Variants in CDH19 observed in about 807,000 individuals in gnomAD.
CDH19 encodes cadherin 19, also known as cadherin-19.
CDH19 carries 67 observed loss-of-function variants against 64.2 expected under a neutral mutation model. The observed-to-expected ratio is 1.04, with a 90% CI of 0.86 to 1.28. CDH19 has a LOEUF of 1.28. CDH19 is among the 50% of genes most tolerant of loss of function. The pLI is 0.00. For synonymous variants in CDH19, 346 were observed against 319.3 expected (o/e 1.08, Z -0.89); for missense variants, 1,030 against 929.0 (o/e 1.11, Z -1.41).
intron 9 of CDH19, among the ~76,000 whole-genome samples, chr18:66,527,173 A>G (rs1039196379): frequency 1.3e-5 from 2 of 151,752 alleles, no homozygotes. Flanking sequence ...GTATACATAT[A>G]TATTAAGTTT....
chr18:66,547,833 A>C (rs1313136327), intron 5 of CDH19, among the ~76,000 whole-genome samples: 3 of 144,386 alleles, frequency 2.1e-5, no homozygotes, highest in African/African-American at 7.8e-5. Context: ...ACGCCCGGCT[A>C]ATTTTTTGTA....
At position 66,529,872 on chromosome 18, in the gene CDH19, A is replaced by G. The variant is rs577408152; in HGVS notation, c.1431T>C (p.Tyr477=). The change falls in exon 9 of 12, where the codon TAT becomes TAC. Residue 477 remains tyrosine, a synonymous_variant. Transcript: ENST00000262150. ...GACCAGAGCCTGCATTTTCACAAAC[A>G]TAAGTCTCATAGTATTGAGAGAACT... is the stretch of plus-strand genomic sequence containing the variant. ...APEFSQYYET[Y]VCENAGSGQV... 20 of 1,597,076 alleles carry G rather than the reference A, an allele frequency of 1.3e-5. No homozygotes were observed. The highest frequency in any genetic ancestry group is 1.0e-4 in the Admixed American group (6 of 58,594).
rs1422390869 is a variant in CDH19 at position 66,544,817 on chromosome 18, T to A, written c.862A>T (p.Asn288Tyr). ...IMAYDNDIGE[N>Y]AEMDYSIEED... The stretch of plus-strand genomic sequence containing the variant: ...TCAATGCTGTAATCCATTTCTGCAT[T>A]CTCTCCTATGTCATTATCATATGCC... The change falls in exon 6 of 12, where the codon AAT (asparagine) becomes TAT (tyrosine). Residue 288 changes from asparagine to tyrosine, a missense_variant. By Grantham distance (143) the Asn-to-Tyr change is moderately radical. Coordinates refer to ENST00000262150, the MANE Select transcript of CDH19 (RefSeq NM_021153.4). 6.2e-7 allele frequency: 1 copy of A among 1,612,598 alleles called. No homozygotes were observed. Among genetic ancestry groups the A allele is most frequent in the East Asian group, 2.2e-5 (1 of 44,848 alleles).
At chr18:66,568,761 A>C in intron 2 of CDH19, 51 bp from the exon 3 acceptor site, 1 of 1,395,620 alleles carries the variant, frequency 7.2e-7, no homozygotes. Context: ...GAAATGGACA[A>C]ATCAAAATCA....
At chr18:66,538,342 T>C (rs896550079) in intron 7 of CDH19, among the ~76,000 whole-genome samples, 29 of 152,140 alleles carry the variant, frequency 1.9e-4, no homozygotes, top group African/African-American at 7.0e-4. Flanking sequence ...TTCCAGAGTT[T>C]ACACTAATTA....
chr18:66,572,173 A>C lies in CDH19; in HGVS notation c.32T>G (p.Leu11Trp). 3 of 1,611,122 alleles carry C rather than the reference A, an allele frequency of 1.9e-6. No individual in the cohort carries two copies. Among genetic ancestry groups the C allele is most frequent in the Non-Finnish European group, 2.5e-6 (3 of 1,178,126 alleles). Residue 11 changes from leucine (L) to tryptophan (W), a missense_variant, in exon 2 of 12, where the codon TTG becomes TGG. By Grantham distance (61) the Leu-to-Trp change is moderately conservative (BLOSUM62 -2). Transcript: ENST00000262150. MNCYLLLRFM[L>W]GIPLLWPCLG... Reference sequence around the variant, plus strand: ...ACAAGGCCATAGGAGAGGAATTCCCAACATAAAACGCAGCAGTAAATAACA... The same window carrying C: ...ACAAGGCCATAGGAGAGGAATTCCCCACATAAAACGCAGCAGTAAATAACA...
chr18:66,529,456 G>A (rs1986349691), intron 9 of CDH19, among the ~76,000 whole-genome samples: 1 of 150,886 alleles, frequency 6.6e-6, no homozygotes, highest in Admixed American at 6.6e-5. Flanking sequence ...ACTATCGTTA[G>A]CAAATTTTTA....
At chr18:66,540,412 T>G (rs994238958) in intron 7 of CDH19, among the ~76,000 whole-genome samples, 4 of 152,128 alleles carry the variant, frequency 2.6e-5, no homozygotes, top group Admixed American at 1.3e-4. Flanking sequence ...ATATCTGAAG[T>G]CCAAAAGAAT....
At position 66,590,476 on chromosome 18, in the gene CDH19, C is replaced by A. The variant is rs539001836; in HGVS notation, c.-113+13478G>T. On this transcript the variant is annotated intron_variant, in intron 1 of 11. Coordinates refer to ENST00000262150, the MANE Select transcript of CDH19 (RefSeq NM_021153.4). ...AATTTTGCTTTCTTTAGAGCTGGTA[C>A]CTTTAACCAATGTCTTTGCAGAAGC... 9.3e-5 allele frequency among the ~76,000 whole-genome samples: 14 copies of A among 151,192 alleles called. No individual in the cohort carries two copies. The East Asian group carries it at 1.9e-3, about 21-fold the overall frequency.
chr18:66,588,613 T>TATATATA, intron 1 of CDH19, among the ~76,000 whole-genome samples: 1 of 130,572 alleles, frequency 7.7e-6, no homozygotes, highest in East Asian at 2.2e-4. Flanking sequence ...ATCATATATA[T>TATATATA]CTATATCTAT....
chr18:66,573,126 T>G (rs951028726), intron 1 of CDH19, among the ~76,000 whole-genome samples: 1 of 151,700 alleles, frequency 6.6e-6, no homozygotes, highest in Non-Finnish European at 1.5e-5. Flanking sequence ...TCATGATGGG[T>G]ACCTCTAATC....
chr18:66,555,017 T>C lies in CDH19; in HGVS notation c.491-493A>G, dbSNP rs867701894. Reference sequence around the variant, plus strand: ...TGAGGATAAGGATGGGCATAATTATTCAGCTCCTTTAATTCTCTTCTCTAA... The same window carrying C: ...TGAGGATAAGGATGGGCATAATTATCCAGCTCCTTTAATTCTCTTCTCTAA... On this transcript the variant is annotated intron_variant, in intron 3 of 11. Coordinates refer to ENST00000262150, the MANE Select transcript of CDH19 (RefSeq NM_021153.4). Among the ~76,000 whole-genome samples, 4 of 151,858 alleles carry C rather than the reference T, an allele frequency of 2.6e-5. No homozygotes were observed. The South Asian group carries it at 6.2e-4, about 24-fold the overall frequency.
chr18:66,544,148 A>G lies in CDH19; in HGVS notation c.1037T>C (p.Met346Thr). The change falls in exon 7 of 12, where the codon ATG becomes ACG. Residue 346 changes from methionine to threonine, a missense_variant. Physicochemically the swap from Met to Thr is moderately conservative, Grantham distance 81. Transcript: ENST00000262150. The stretch of plus-strand genomic sequence containing the variant: ...GGTGGAAGCCTCAGTGTGGTACTTC[A>G]TGAGCTGCTCAGGAACATGATGGTT... Reference protein sequence around the residue: ...VKNHHVPEQLMKYHTEASTTF... With the variant: ...VKNHHVPEQLTKYHTEASTTF... 3.1e-6 allele frequency: 5 copies of G among 1,613,852 alleles called. No homozygotes were observed. The highest frequency in any genetic ancestry group is 3.4e-6 in the Non-Finnish European group (4 of 1,179,746).
chr18:66,596,329 C>T (rs888880536), intron 1 of CDH19: 8 of 152,054 alleles, frequency 5.3e-5, no homozygotes, highest in Non-Finnish European at 1.2e-4. Context: ...AGTCAAGATA[C>T]AGAATTAAAA....
At chr18:66,540,054 GGT>G (rs1315543487) in intron 7 of CDH19, among the ~76,000 whole-genome samples, 1 of 151,640 alleles carries the variant, frequency 6.6e-6, no homozygotes, top group African/African-American at 2.4e-5. Flanking sequence ...TTTTCACTTT[GGT>G]AATAATAATT....
In CDH19 at chr18:66,532,519, C is replaced by CACACACACACACAG. The variant is rs957423260; in HGVS notation, c.1336+2466_1336+2467insCTGTGTGTGTGTGT. 3.7e-5 allele frequency: 11 copies of CACACACACACACAG among 294,680 alleles called. No homozygotes were observed. In the Admixed American group the frequency reaches 4.0e-4, roughly 11 times the overall value. The allele number at this position is 294,680 out of a possible 1,614,324, so 18.3% of individuals were successfully genotyped here. A position where few individuals can be genotyped will look rare whatever the true frequency, so the allele number is the denominator to read the frequency against. The stretch of plus-strand genomic sequence containing the variant: ...ACACACACACACACACACACACACA[C>CACACACACACACAG]AGAGAAAGAGAGAGAGAGAGGGAAA... On this transcript the variant is annotated intron_variant, in intron 8 of 11. Coordinates refer to ENST00000262150, the MANE Select transcript of CDH19 (RefSeq NM_021153.4).
intron 2 of CDH19, among the ~76,000 whole-genome samples, chr18:66,571,636 GA>G (rs1363154783): frequency 2.0e-5 from 3 of 151,586 alleles, no homozygotes. Context: ...AAAAATGAAC[GA>G]GGGGTAAATC....
intron 7 of CDH19, among the ~76,000 whole-genome samples, chr18:66,541,606 GA>G (rs1056535344): frequency 2.0e-5 from 3 of 152,062 alleles, no homozygotes; most frequent in Middle Eastern, 3.4e-3. Context: ...TATATCATAT[GA>G]AAAAAATCAA....
At chr18:66,522,644 A>G (rs1308156044) in intron 9 of CDH19, among the ~76,000 whole-genome samples, 1 of 151,238 alleles carries the variant, frequency 6.6e-6, no homozygotes, top group African/African-American at 2.4e-5. Context: ...TTTAAATATA[A>G]TATGTTTTAT....
Sources: allele counts gnomAD v4.1 joint callset (sites outside exome capture counted in the v4.1 genomes callset), GRCh38; gene constraint gnomAD v4.1.1; transcripts MANE v1.5; gene names NCBI Gene and HGNC (gene_info 2026-07-23, HGNC 2026-07-21).